Variants in RIMS1 observed in about 807,000 individuals in gnomAD.
RIMS1 encodes regulating synaptic membrane exocytosis 1, also known as regulating synaptic membrane exocytosis protein 1.
RIMS1 carries 83 observed loss-of-function variants against 214.1 expected under a neutral mutation model. That is an observed-to-expected ratio of 0.39 (90% CI 0.32 to 0.47). RIMS1 has a LOEUF of 0.47. RIMS1 is among the 20% of genes least tolerant of loss of function. The pLI, the probability that RIMS1 is intolerant of heterozygous loss-of-function variation, is 0.99. For synonymous variants in RIMS1, 793 were observed against 786.8 expected, an observed-to-expected ratio of 1.01 and a Z score of -0.13; for missense variants, 2,050 against 2,161.8, an observed-to-expected ratio of 0.95 and a Z score of 1.03.
chr6:72,300,026 G>T (rs2094466733), intron 26 of RIMS1, among the ~76,000 whole-genome samples: 1 of 151,702 alleles, frequency 6.6e-6, no homozygotes, highest in Non-Finnish European at 1.5e-5. Flanking sequence ...GAATCTTAAT[G>T]AATATTTACT....
chr6:72,016,722 C>A (rs1812881953), intron 2 of RIMS1, among the ~76,000 whole-genome samples: 1 of 152,034 alleles, frequency 6.6e-6, no homozygotes, highest in Non-Finnish European at 1.5e-5. Flanking sequence ...CTGTAGTCTT[C>A]TTTTAACTGT....
At chr6:72,006,505 G>A (rs1046595640) in intron 2 of RIMS1, among the ~76,000 whole-genome samples, 25 of 152,294 alleles carry the variant, frequency 1.6e-4, no homozygotes, top group African/African-American at 4.3e-4. Flanking sequence ...GCAGTGCACC[G>A]AGTGTGATCC....
intron 23 of RIMS1, among the ~76,000 whole-genome samples, chr6:72,275,975 G>A (rs1355064002): frequency 6.6e-6 from 1 of 152,202 alleles, no homozygotes. Context: ...GAGATGCCAG[G>A]GCCAAGTGGG....
At chr6:72,067,995 T>C (rs1339479669) in intron 2 of RIMS1, among the ~76,000 whole-genome samples, 1 of 152,218 alleles carries the variant, frequency 6.6e-6, no homozygotes, top group East Asian at 1.9e-4. Context: ...AAGTTCATGC[T>C]TGACCCAAAC....
At chr6:71,926,398 C>A (rs1344777257) in intron 1 of RIMS1, among the ~76,000 whole-genome samples, 1 of 152,102 alleles carries the variant, frequency 6.6e-6, no homozygotes, top group African/African-American at 2.4e-5. Context: ...TTTAGCTGTA[C>A]AAAAGTCTTC....
intron 29 of RIMS1, among the ~76,000 whole-genome samples, chr6:72,352,833 C>G (rs757321793): frequency 6.6e-6 from 1 of 151,916 alleles, no homozygotes; most frequent in African/African-American, 2.4e-5. Flanking sequence ...GGGGATGGGA[C>G]CCGAGAAATA....
chr6:72,313,120 TAC>T (rs1386946388), intron 27 of RIMS1, among the ~76,000 whole-genome samples: 1 of 152,138 alleles, frequency 6.6e-6, no homozygotes, highest in Non-Finnish European at 1.5e-5. Context: ...GCTCAGCCTA[TAC>T]TTTGACTAGA....
At chr6:72,108,794 C>T (rs950521997) in intron 4 of RIMS1, among the ~76,000 whole-genome samples, 3 of 150,978 alleles carry the variant, frequency 2.0e-5, no homozygotes, top group African/African-American at 7.3e-5. Flanking sequence ...TGGTGTGCTG[C>T]ACCCATTAAC....
At chr6:72,374,882 G>C (rs898555716) in intron 29 of RIMS1, among the ~76,000 whole-genome samples, 4 of 152,188 alleles carry the variant, frequency 2.6e-5, no homozygotes, top group Non-Finnish European at 5.9e-5. Flanking sequence ...CCATCTGGGG[G>C]TGATGGGAGA....
chr6:72,044,350 C>T (rs1039198609), intron 2 of RIMS1, among the ~76,000 whole-genome samples: 11 of 151,308 alleles, frequency 7.3e-5, no homozygotes, highest in African/African-American at 2.7e-4. Context: ...GGAATGGCCA[C>T]AAAAGCATAA....
chr6:72,340,635 G>A (rs13437188), intron 29 of RIMS1, among the ~76,000 whole-genome samples: 2,705 of 152,082 alleles, frequency 0.018, 81 homozygotes, highest in African/African-American at 0.063. Context: ...CTGTTCCATT[G>A]GTCTATATCT....
At chr6:72,175,849 T>C (rs531540813) in intron 4 of RIMS1, among the ~76,000 whole-genome samples, 224 of 152,352 alleles carry the variant, frequency 1.5e-3, no homozygotes, top group Admixed American at 2.9e-3. Context: ...TGTGGTTTTA[T>C]CTATGGAATT....
intron 29 of RIMS1, among the ~76,000 whole-genome samples, chr6:72,335,136 C>G (rs910144866): frequency 6.6e-6 from 1 of 151,856 alleles, no homozygotes; most frequent in African/African-American, 2.4e-5. Context: ...TAGGTATACA[C>G]GTGCCGTGAT....
At chr6:72,045,423 AT>A (rs1822715219) in intron 2 of RIMS1, among the ~76,000 whole-genome samples, 1 of 151,976 alleles carries the variant, frequency 6.6e-6, no homozygotes, top group Non-Finnish European at 1.5e-5. Flanking sequence ...GAAGAAAACA[AT>A]TTTTATTTCA....
chr6:72,221,323 AT>A (rs1264837490), intron 6 of RIMS1, among the ~76,000 whole-genome samples: 37 of 133,652 alleles, frequency 2.8e-4, no homozygotes, highest in Admixed American at 4.4e-4. Flanking sequence ...TGTGTGTGTG[AT>A]TTTTTTTTTC....
chr6:72,343,104 T>C (rs2097149988), intron 29 of RIMS1, among the ~76,000 whole-genome samples: 1 of 151,828 alleles, frequency 6.6e-6, no homozygotes, highest in South Asian at 2.1e-4. Context: ...AAAAAACATT[T>C]ATCAGGGATC....
intron 29 of RIMS1, among the ~76,000 whole-genome samples, chr6:72,336,706 A>G (rs993434257): frequency 1.3e-5 from 2 of 151,746 alleles, no homozygotes; most frequent in African/African-American, 4.8e-5. Flanking sequence ...CTTTCATTTG[A>G]TAGCCTATCC....
At chr6:71,887,636 G>A (rs1256198363) in intron 1 of RIMS1, among the ~76,000 whole-genome samples, 1 of 152,116 alleles carries the variant, frequency 6.6e-6, no homozygotes, top group Non-Finnish European at 1.5e-5. Context: ...TTAGCTGGTC[G>A]GGGTTACCCC....
At chr6:72,101,573 A>G (rs1478301439) in intron 4 of RIMS1, among the ~76,000 whole-genome samples, 5 of 152,042 alleles carry the variant, frequency 3.3e-5, no homozygotes, top group Middle Eastern at 3.4e-3. Flanking sequence ...ATTATAATTT[A>G]CATGTGTGTG....
Sources: gnomAD v4.1 joint callset for allele counts (sites outside exome capture counted in the v4.1 genomes callset) on GRCh38, gnomAD v4.1.1 for gene constraint, MANE v1.5 for transcripts, NCBI Gene and HGNC (gene_info 2026-07-23, HGNC 2026-07-21) for gene names.